ARFGEF2: variants seen among roughly 807,000 people sequenced by gnomAD.
ARFGEF2 encodes the protein brefeldin A-inhibited guanine nucleotide-exchange protein 2.
Under a neutral mutation model 219.9 loss-of-function variants are expected in ARFGEF2, and 74 were observed. That is an observed-to-expected ratio of 0.34 (90% CI 0.28 to 0.41). ARFGEF2 has a LOEUF of 0.41. Ranked by LOEUF, ARFGEF2 falls within the 10% of genes least tolerant of loss-of-function variation. ARFGEF2 has a pLI of 1.00. For missense variants in ARFGEF2, 1,743 were observed against 2,218.3 expected (o/e 0.79, Z 4.30); for synonymous variants, 733 against 799.2 (o/e 0.92, Z 1.40).
chr20:48,924,333 C>G (rs2090862482), intron 1 of ARFGEF2, among the ~76,000 whole-genome samples: 1 of 151,970 alleles, frequency 6.6e-6, no homozygotes, highest in Admixed American at 6.6e-5. Context: ...CACGGTGAAA[C>G]CCCGCCTCTA....
rs2091536648 is a variant in ARFGEF2, at chr20:49,017,358, G to C, written c.4425G>C (p.Leu1475Phe). The C allele has an allele frequency of 6.2e-7, 1 of 1,613,910 alleles. No homozygotes were observed. The highest frequency in any genetic ancestry group is 1.3e-5 in the African/African-American group (1 of 74,924). Residue 1475 changes from leucine (L) to phenylalanine (F), a missense_variant, in exon 32 of 39, where the codon TTG (leucine) becomes TTC (phenylalanine). This residue lies in a region of ARFGEF2 where 578 missense variants were observed against 664.0 expected (regional missense o/e 0.87). Transcript: ENST00000371917. ...GGGATGAAACCTGCAACTGTATGTT[G>C]GATATTTTCAAAACAACCATCCCAC... ...EVWDETCNCMLDIFKTTIPHV... is the reference protein window; with the variant it reads ...EVWDETCNCMFDIFKTTIPHV...
chr20:49,027,063 A>T (rs181929629), intron 36 of ARFGEF2, among the ~76,000 whole-genome samples: 4 of 151,758 alleles, frequency 2.6e-5, no homozygotes, highest in Admixed American at 6.6e-5. Flanking sequence ...GTTTTTAAGA[A>T]TGTGTTCTTT....
At chr20:48,970,681 A>G (rs1407287218) in intron 9 of ARFGEF2, among the ~76,000 whole-genome samples, 2 of 152,210 alleles carry the variant, frequency 1.3e-5, no homozygotes, top group Non-Finnish European at 2.9e-5. Context: ...AAAATGTACC[A>G]TTTCTTACCA....
At chr20:48,936,179 C>T (rs1600589132) in intron 1 of ARFGEF2, among the ~76,000 whole-genome samples, 4 of 133,706 alleles carry the variant, frequency 3.0e-5, no homozygotes, top group Non-Finnish European at 1.6e-5. Context: ...AGGGGCTCCT[C>T]ACTTCCCAGT....
At chr20:48,986,474 C>G (rs1163701397) in intron 16 of ARFGEF2, among the ~76,000 whole-genome samples, 3 of 150,424 alleles carry the variant, frequency 2.0e-5, no homozygotes, top group African/African-American at 7.3e-5. Flanking sequence ...TCCAAAAATA[C>G]AAAAAAAAAT....
At chr20:48,952,538 C>T (rs2091077669) in intron 4 of ARFGEF2, among the ~76,000 whole-genome samples, 167 bp from the exon 5 acceptor site, 1 of 152,104 alleles carries the variant, frequency 6.6e-6, no homozygotes, top group African/African-American at 2.4e-5. Flanking sequence ...GGAGTTGGCT[C>T]TTCATAATAA....
intron 21 of ARFGEF2, among the ~76,000 whole-genome samples, chr20:48,993,425 ATTCTC>A (rs747244833): frequency 4.6e-5 from 7 of 152,302 alleles, no homozygotes; most frequent in East Asian, 1.9e-4. Flanking sequence ...TCAGGGGATG[ATTCTC>A]TTTGGTGGAA....
intron 7 of ARFGEF2, among the ~76,000 whole-genome samples, chr20:48,965,092 C>A (rs907896193): frequency 2.0e-5 from 3 of 152,072 alleles, no homozygotes; most frequent in Non-Finnish European, 4.4e-5. Flanking sequence ...TATAGAAATG[C>A]CTGTAAAATA....
intron 8 of ARFGEF2, among the ~76,000 whole-genome samples, chr20:48,968,625 G>A (rs1356543098): frequency 6.6e-6 from 1 of 152,124 alleles, no homozygotes; most frequent in Non-Finnish European, 1.5e-5. Context: ...GCCTCCCAAA[G>A]TGTTGGGATT....
intron 25 of ARFGEF2, among the ~76,000 whole-genome samples, chr20:49,001,330 G>A (rs570484212): frequency 8.5e-5 from 13 of 152,182 alleles, no homozygotes; most frequent in African/African-American, 1.9e-4. Context: ...ATGAACCACC[G>A]TGCCCGGCCC....
intron 6 of ARFGEF2, 112 bp downstream of exon 6, chr20:48,953,902 A>C: frequency 9.2e-7 from 1 of 1,085,986 alleles, no homozygotes; most frequent in Non-Finnish European, 1.4e-6. Context: ...ATAACAGCTT[A>C]TCTCTTTCTG....
intron 3 of ARFGEF2, 32 bp downstream of exon 3, chr20:48,942,019 G>C (rs755989155): frequency 1.2e-6 from 2 of 1,613,334 alleles, no homozygotes; most frequent in South Asian, 2.2e-5. Flanking sequence ...TTGTCAAGGG[G>C]GTTCTCTCCA....
At position 48,988,631 on chromosome 20, in the gene ARFGEF2, G is replaced by A. The variant is rs773087244; in HGVS notation, c.2502G>A (p.Glu834=). 34 of 1,613,508 alleles carry A rather than the reference G, an allele frequency of 2.1e-5. No homozygotes were observed. The highest frequency in any genetic ancestry group is 2.6e-5 in the Non-Finnish European group (31 of 1,179,816). ...AAATTGCAATGAAAGAAACAAAAGA[G>A]CTAACGATTGCAACCAAATCTACTA... The part of the protein sequence containing the change: ...GKKIAMKETK[E]LTIATKSTKQ... Residue 834 remains glutamate, a synonymous_variant, in exon 18 of 39, where the codon GAG becomes GAA. Transcript: ENST00000371917.
intron 6 of ARFGEF2, among the ~76,000 whole-genome samples, chr20:48,959,510 CT>C (rs2091129752): frequency 6.5e-5 from 1 of 15,370 alleles, no homozygotes; most frequent in Admixed American, 7.1e-4. Flanking sequence ...TCCTTCCCTC[CT>C]TTCCACCCTC....
intron 1 of ARFGEF2, among the ~76,000 whole-genome samples, chr20:48,932,940 G>A (rs1002036606): frequency 6.6e-6 from 1 of 152,174 alleles, no homozygotes; most frequent in Non-Finnish European, 1.5e-5. Flanking sequence ...GTTACTGTGG[G>A]ATCTGGGGGC....
At chr20:48,944,078 G>A (rs1167187389) in intron 3 of ARFGEF2, among the ~76,000 whole-genome samples, 1 of 152,060 alleles carries the variant, frequency 6.6e-6, no homozygotes, top group South Asian at 2.1e-4. Context: ...GTTTCTTCAC[G>A]GAAACAACTC....
At chr20:49,014,526 T>C (rs2091518953) in intron 30 of ARFGEF2, among the ~76,000 whole-genome samples, 1 of 152,190 alleles carries the variant, frequency 6.6e-6, no homozygotes, top group South Asian at 2.1e-4. Context: ...AAGTGACATA[T>C]GCTTAATATG....
At chr20:48,958,505 C>T (rs1290135823) in intron 6 of ARFGEF2, among the ~76,000 whole-genome samples, 16 of 151,486 alleles carry the variant, frequency 1.1e-4, no homozygotes, top group African/African-American at 2.9e-4. Context: ...GGCACAATCT[C>T]GGCTCACTGC....
intron 25 of ARFGEF2, among the ~76,000 whole-genome samples, chr20:49,002,712 A>T (rs1344234819): frequency 6.6e-6 from 1 of 151,648 alleles, no homozygotes. Context: ...GCCAGGTTCA[A>T]GCAATTCTCT....
Sources: allele counts gnomAD v4.1 joint callset (sites outside exome capture counted in the v4.1 genomes callset), GRCh38; gene constraint gnomAD v4.1.1; regional missense constraint gnomAD v4.1.1; transcripts MANE v1.5; gene names NCBI Gene and HGNC (gene_info 2026-07-23, HGNC 2026-07-21).